Variants in SLC2A12 observed in about 807,000 individuals in gnomAD.
SLC2A12 encodes solute carrier family 2 member 12.
A neutral mutation model predicts 41.8 loss-of-function variants in SLC2A12; 23 were observed. The observed-to-expected ratio is 0.55, with a 90% CI of 0.40 to 0.78. The LOEUF is 0.78. SLC2A12 is among the 30% of genes least tolerant of loss of function. SLC2A12 has a pLI of 0.00. For missense variants in SLC2A12, 654 were observed against 745.6 expected, an observed-to-expected ratio of 0.88 and a Z score of 1.43; for synonymous variants, 295 against 285.9, an observed-to-expected ratio of 1.03 and a Z score of -0.32.
chr6:134,044,844 A>C (rs1777434971), intron 1 of SLC2A12, among the ~76,000 whole-genome samples: 1 of 151,990 alleles, frequency 6.6e-6, no homozygotes, highest in Non-Finnish European at 1.5e-5. Context: ...TCTTTAGTTC[A>C]GCAATCGCTT....
chr6:134,033,175 C>T (rs1255221225), intron 1 of SLC2A12, among the ~76,000 whole-genome samples: 3 of 151,970 alleles, frequency 2.0e-5, no homozygotes, highest in Admixed American at 2.0e-4. Context: ...AGGGCCTTGT[C>T]GGTCACAGTG....
At chr6:134,037,734 T>A (rs531813554) in intron 1 of SLC2A12, among the ~76,000 whole-genome samples, 3 of 152,324 alleles carry the variant, frequency 2.0e-5, no homozygotes, top group African/African-American at 7.2e-5. Context: ...TAGGTTTGTA[T>A]CCTGCCTTAG....
chr6:134,006,847 T>C lies in SLC2A12; in HGVS notation c.1532A>G (p.Asn511Ser). 1 of 1,614,116 alleles carries C rather than the reference T, an allele frequency of 6.2e-7. No individual in the cohort carries two copies. Among genetic ancestry groups the C allele is most frequent in the Non-Finnish European group, 8.5e-7 (1 of 1,180,006 alleles). Residue 511 changes from asparagine (N) to serine (S), a missense_variant, in exon 3 of 5, where the codon AAT becomes AGT. Asn to Ser is a conservative substitution (Grantham distance 46, BLOSUM62 1). Transcript: ENST00000275230. ...ALTSSMNWGI[N>S]LLISLTFLTV... ...CAAAAATGTCAGCGAGATGAGGAGATTGATGCCCCAGTTCATGCTAGAAGT... is the reference window on the plus strand; with the variant it reads ...CAAAAATGTCAGCGAGATGAGGAGACTGATGCCCCAGTTCATGCTAGAAGT...
intron 4 of SLC2A12, among the ~76,000 whole-genome samples, chr6:133,997,128 G>T (rs1776706699): frequency 6.7e-6 from 1 of 148,366 alleles, no homozygotes; most frequent in East Asian, 2.0e-4. Context: ...GTGGCAGCAG[G>T]CGCCTGTAGT....
intron 2 of SLC2A12, among the ~76,000 whole-genome samples, chr6:134,024,665 A>G (rs984437884): frequency 3.3e-5 from 5 of 152,250 alleles, no homozygotes; most frequent in African/African-American, 1.2e-4. Context: ...AGCTCTTAGT[A>G]AATGATGATG....
At chr6:134,000,195 G>A (rs1482801953) in intron 4 of SLC2A12, among the ~76,000 whole-genome samples, 1 of 152,014 alleles carries the variant, frequency 6.6e-6, no homozygotes, top group Non-Finnish European at 1.5e-5. Flanking sequence ...GGCCTCATCT[G>A]TATCAAAAAA....
chr6:134,006,194 A>C (rs200235610), intron 3 of SLC2A12, among the ~76,000 whole-genome samples: 1,508 of 90,924 alleles, frequency 0.017, 13 homozygotes, highest in African/African-American at 0.048. Context: ...AAAAAAAAAC[A>C]AAAAAAAAAA....
At chr6:134,043,621 G>T (rs544812443) in intron 1 of SLC2A12, among the ~76,000 whole-genome samples, 1 of 151,754 alleles carries the variant, frequency 6.6e-6, no homozygotes, top group African/African-American at 2.4e-5. Context: ...GTAAAACCCC[G>T]TCTCTAGTAA....
chr6:134,012,699 G>A (rs1452636642), intron 2 of SLC2A12, among the ~76,000 whole-genome samples: 1 of 152,200 alleles, frequency 6.6e-6, no homozygotes, highest in Admixed American at 6.5e-5. Context: ...CCAGCGCAGT[G>A]GCCCACTCCT....
At chr6:134,016,118 T>C (rs913276239) in intron 2 of SLC2A12, among the ~76,000 whole-genome samples, 1 of 152,142 alleles carries the variant, frequency 6.6e-6, no homozygotes, top group African/African-American at 2.4e-5. Context: ...AGGCACTGAC[T>C]GTCTTTGCTC....
At chr6:133,992,450 A>G (rs1030477736) in intron 4 of SLC2A12, among the ~76,000 whole-genome samples, 1 of 152,136 alleles carries the variant, frequency 6.6e-6, no homozygotes, top group Admixed American at 6.6e-5. Flanking sequence ...AGGAACGTCA[A>G]CTCACCAGGG....
In SLC2A12 at chr6:134,028,925, A is replaced by G. The variant is rs150386982; in HGVS notation, c.900T>C (p.Tyr300=). 6.4e-5 allele frequency: 104 copies of G among 1,614,238 alleles called. No individual in the cohort carries two copies. In the Admixed American group the frequency reaches 1.0e-3, roughly 16 times the overall value. ...QITGQPNILF[Y]ASTVLKSVGF... is the part of the protein sequence containing the mutation. ...CAACTGACTTCAAAACAGTTGATGC[A>G]TAGAACAATATGTTTGGTTGGCCAG... is the stretch of plus-strand genomic sequence containing the variant. The change falls in exon 2 of 5, where the codon TAT becomes TAC. Residue 300 remains tyrosine (Y), a synonymous_variant. Coordinates refer to ENST00000275230, the MANE Select transcript of SLC2A12 (RefSeq NM_145176.3).
At chr6:134,051,770 G>A (rs981425445) in intron 1 of SLC2A12, among the ~76,000 whole-genome samples, 3 of 152,218 alleles carry the variant, frequency 2.0e-5, no homozygotes. Flanking sequence ...AAAGAAGGCA[G>A]AACCCAGCAA....
In SLC2A12 at chr6:133,987,625, TG is replaced by T. The variant is rs1490635174; in HGVS notation, c.*3529del. Reference sequence around the variant, plus strand: ...GTTGGCTTCTTTTTGAAGTGTATTTTGTGTGTGTGTGTGTGTGTGTGTGTAT... The same window carrying T: ...GTTGGCTTCTTTTTGAAGTGTATTTTTGTGTGTGTGTGTGTGTGTGTGTAT... On this transcript the variant is annotated 3_prime_UTR_variant, in exon 5 of 5. Transcript: ENST00000275230. 5.3e-5 allele frequency: 2 copies of T among 37,766 alleles called. No homozygotes were observed. Among genetic ancestry groups the T allele is most frequent in the Non-Finnish European group, 1.8e-4 (2 of 10,916 alleles). The allele number at this position is 37,766 out of a possible 1,614,324, so 2.3% of individuals were successfully genotyped here. A position where few individuals can be genotyped will look rare whatever the true frequency, so the allele number is the denominator to read the frequency against.
intron 1 of SLC2A12, among the ~76,000 whole-genome samples, chr6:134,034,113 C>A (rs1263552173): frequency 6.6e-6 from 1 of 152,044 alleles, no homozygotes; most frequent in Admixed American, 6.6e-5. Flanking sequence ...TCATAAAAAC[C>A]TTTTACAATT....
intron 2 of SLC2A12, among the ~76,000 whole-genome samples, chr6:134,021,824 G>A (rs1377785505): frequency 6.6e-6 from 1 of 152,198 alleles, no homozygotes; most frequent in Non-Finnish European, 1.5e-5. Context: ...ATTCAAAGAG[G>A]AGATAAAGCT....
Position 134,028,396 on chromosome 6 carries a change from T to C in SLC2A12, c.1429A>G (p.Ile477Val), listed in dbSNP as rs553339282. The change falls in exon 2 of 5, where the codon ATT becomes GTT. Residue 477 changes from isoleucine to valine, a missense_variant. By Grantham distance (29) the Ile-to-Val change is conservative. Coordinates refer to ENST00000275230, the MANE Select transcript of SLC2A12 (RefSeq NM_145176.3). ...SLLVYVAAFS[I>V]GLGPMPWLVL... Reference sequence around the variant, plus strand: ...AAGTACTTACTTGGTCCTAGACCAATTGAAAAAGCAGCAACATAAACAAGC... The same window carrying C: ...AAGTACTTACTTGGTCCTAGACCAACTGAAAAAGCAGCAACATAAACAAGC... The C allele has an allele frequency of 3.1e-6, 5 of 1,612,430 alleles. No homozygotes were observed. Among genetic ancestry groups the C allele is most frequent in the African/African-American group, 1.3e-5 (1 of 74,972 alleles).
chr6:133,991,081 G>A lies in SLC2A12; in HGVS notation c.*74C>T, dbSNP rs1554305443. ...ACACTGAAAAGAGAGCACAGGAGTC[G>A]CAACTATGCATTGGTCCAAAGACAC... On this transcript the variant is annotated 3_prime_UTR_variant, in exon 5 of 5. Coordinates refer to ENST00000275230, the MANE Select transcript of SLC2A12 (RefSeq NM_145176.3). 24 of 1,484,088 alleles carry A rather than the reference G, an allele frequency of 1.6e-5. No individual in the cohort carries two copies. In the South Asian group the frequency reaches 2.7e-4, roughly 17 times the overall value. The allele number at this position is 1,484,088 out of a possible 1,614,324, so 91.9% of individuals were successfully genotyped here. A position where few individuals can be genotyped will look rare whatever the true frequency, so the allele number is the denominator to read the frequency against.
At position 134,006,743 on chromosome 6, in the gene SLC2A12, G is replaced by T. The variant is rs764725783; in HGVS notation, c.1567+69C>A. On this transcript the variant is annotated intron_variant, in intron 3 of 4. Coordinates refer to ENST00000275230, the MANE Select transcript of SLC2A12 (RefSeq NM_145176.3). ...ATTTCCACGAAAAAATGGTCTTTAGGTGGGTGTGATTCCCTAACATTTGTC... is the reference window on the plus strand; with the variant it reads ...ATTTCCACGAAAAAATGGTCTTTAGTTGGGTGTGATTCCCTAACATTTGTC... 9.4e-6 allele frequency: 15 copies of T among 1,588,296 alleles called. No individual in the cohort carries two copies. The African/African-American group carries it at 1.9e-4, about 20-fold the overall frequency.
Sources: gnomAD v4.1 joint callset for allele counts (sites outside exome capture counted in the v4.1 genomes callset) on GRCh38, gnomAD v4.1.1 for gene constraint, MANE v1.5 for transcripts, NCBI Gene and HGNC (gene_info 2026-07-23, HGNC 2026-07-21) for gene names.